ARHGAP11B: variants seen among roughly 807,000 people sequenced by gnomAD.
ARHGAP11B encodes the protein Rho GTPase activating protein 11B.
ARHGAP11B carries 14 observed loss-of-function variants against 27.6 expected under a neutral mutation model. That is an observed-to-expected ratio of 0.51 (90% CI 0.34 to 0.79). ARHGAP11B has a LOEUF of 0.79. Among genes scored for constraint, ARHGAP11B ranks in the 30% least tolerant of loss-of-function variants. The probability of loss-of-function intolerance (pLI) is 0.02; values close to 1 mark genes in which losing one functional copy is unlikely to be tolerated. For synonymous variants in ARHGAP11B, 82 were observed against 114.1 expected, an observed-to-expected ratio of 0.72 and a Z score of 1.80; for missense variants, 245 against 320.1, an observed-to-expected ratio of 0.77 and a Z score of 1.79.
intron 7 of ARHGAP11B, among the ~76,000 whole-genome samples, chr15:30,640,737 G>A (rs1263486277): frequency 6.6e-6 from 1 of 151,744 alleles, no homozygotes; most frequent in African/African-American, 2.4e-5. Context: ...GTTTTATTGA[G>A]AAGTTGAACA....
intron 6 of ARHGAP11B, among the ~76,000 whole-genome samples, chr15:30,636,371 C>T (rs2060279723): frequency 6.6e-6 from 1 of 151,840 alleles, no homozygotes; most frequent in Admixed American, 6.6e-5. Flanking sequence ...ACCAAAAGAC[C>T]ATCATAAGAT....
chr15:30,643,405 A>G (rs2060326745), intron 7 of ARHGAP11B, among the ~76,000 whole-genome samples: 1 of 151,212 alleles, frequency 6.6e-6, no homozygotes, highest in Admixed American at 6.6e-5. Context: ...CAGCCTCCTG[A>G]GTAGCTAGGA....
At chr15:30,626,794 T>A (rs374688463) in exon 1 of ARHGAP11B, 37 of 1,610,318 alleles carry the variant, frequency 2.3e-5, no homozygotes, top group Non-Finnish European at 2.9e-5. Flanking sequence ...ACCTGCATCC[T>A]GCCTCAGAGT....
chr15:30,641,111 A>G (rs2060312462), intron 7 of ARHGAP11B, among the ~76,000 whole-genome samples: 1 of 151,906 alleles, frequency 6.6e-6, no homozygotes, highest in Non-Finnish European at 1.5e-5. Context: ...TTGCCTAATC[A>G]ATGAATTTTT....
chr15:30,630,325 T>A (rs1201607676), intron 1 of ARHGAP11B, among the ~76,000 whole-genome samples: 1 of 152,100 alleles, frequency 6.6e-6, no homozygotes, highest in Non-Finnish European at 1.5e-5. Context: ...AGTAAGTATT[T>A]ATAAGATCAT....
rs1334456309 is a variant in ARHGAP11B at position 30,629,317 on chromosome 15, G to C, written c.130-1386G>C. Among the ~76,000 whole-genome samples the C allele has an allele frequency of 2.0e-5, 3 of 151,990 alleles. No individual in the cohort carries two copies. In the East Asian group the frequency reaches 5.8e-4, roughly 29 times the overall value. ...CCAGCATTTTGGGAGGCCGAGGAGG[G>C]TGGATCACGAGGTCAGGAGATCGAG... On this transcript the variant is annotated intron_variant, in intron 1 of 10. Coordinates refer to ENST00000428041, the Ensembl canonical transcript of ARHGAP11B.
chr15:30,633,749 A>G (rs948005789), intron 3 of ARHGAP11B, among the ~76,000 whole-genome samples, 163 bp downstream of exon 3: 1 of 151,162 alleles, frequency 6.6e-6, no homozygotes, highest in African/African-American at 2.4e-5. Context: ...ATGGTATATT[A>G]TTTCTATCGT....
intron 7 of ARHGAP11B, among the ~76,000 whole-genome samples, chr15:30,644,380 A>T (rs188846209): frequency 6.6e-6 from 1 of 152,100 alleles, no homozygotes; most frequent in Non-Finnish European, 1.5e-5. Flanking sequence ...AATTATCTAA[A>T]GAGTAAGCCA....
intron 9 of ARHGAP11B, among the ~76,000 whole-genome samples, chr15:30,646,671 A>AC (rs2060350553): frequency 6.9e-6 from 1 of 144,290 alleles, no homozygotes; most frequent in Admixed American, 7.0e-5. Flanking sequence ...AAAAAAAAAA[A>AC]AAAATATGTG....
chr15:30,631,004 G>A (rs960879274), intron 2 of ARHGAP11B, among the ~76,000 whole-genome samples: 9 of 151,784 alleles, frequency 5.9e-5, no homozygotes, highest in African/African-American at 2.2e-4. Flanking sequence ...CCCAGGAGGT[G>A]GAGGCTGCAG....
At position 30,639,971 on chromosome 15, in the gene ARHGAP11B, A is replaced by AGTGTGTGTGTGT. The variant is rs71103435; in HGVS notation, c.*78+1182_*78+1193dup. Among the ~76,000 whole-genome samples the AGTGTGTGTGTGT allele has an allele frequency of 6.0e-3, 858 of 143,260 alleles. 8 individuals carry two copies. Among genetic ancestry groups the AGTGTGTGTGTGT allele is most frequent in the African/African-American group, 9.3e-3 (362 of 38,820 alleles). 94.0% of individuals were successfully genotyped at this position (143,260 alleles called of 152,430 possible). On this transcript the variant is annotated intron_variant, in intron 7 of 10. Transcript: ENST00000428041. Reference sequence around the variant, plus strand: ...TAAAATAGACAGTGTTTCAATATAGAGTGTGTGTGTGTGTGTGTGTGTGTG... The same window carrying AGTGTGTGTGTGT: ...TAAAATAGACAGTGTTTCAATATAGAGTGTGTGTGTGTGTGTGTGTGTGTGTGTGTGTGTGTG...
At chr15:30,626,782 G>A in exon 1 of ARHGAP11B, 1 of 1,606,156 alleles carries the variant, frequency 6.2e-7, no homozygotes, top group South Asian at 1.1e-5. Context: ...ACGAGGGTCA[G>A]GACCTGCATC....
chr15:30,644,547 C>A, intron 7 of ARHGAP11B: 2 of 681,382 alleles, frequency 2.9e-6, no homozygotes, highest in South Asian at 2.2e-5. Context: ...TTTTTTTGTC[C>A]TCATTGATTT....
chr15:30,626,849 C>A, exon 1 of ARHGAP11B: 3 of 1,613,610 alleles, frequency 1.9e-6, no homozygotes, highest in Non-Finnish European at 2.5e-6. Context: ...GTGAAGTTGG[C>A]CCTGTTGCAG....
At chr15:30,637,431 T>C (rs2060286750) in intron 6 of ARHGAP11B, among the ~76,000 whole-genome samples, 1 of 152,110 alleles carries the variant, frequency 6.6e-6, no homozygotes, top group South Asian at 2.1e-4. Context: ...GTTTATTGCA[T>C]TGTTACTGTA....
intron 7 of ARHGAP11B, among the ~76,000 whole-genome samples, chr15:30,644,038 A>G (rs2060330580): frequency 6.6e-6 from 1 of 151,706 alleles, no homozygotes; most frequent in Non-Finnish European, 1.5e-5. Context: ...ATCCTTCAAG[A>G]CCTCAACCCA....
At chr15:30,644,749 G>A (rs2060336463) in intron 8 of ARHGAP11B, 1 of 1,300,678 alleles carries the variant, frequency 7.7e-7, no homozygotes, top group Non-Finnish European at 1.1e-6. Context: ...TCTGTATACA[G>A]ATACGAATAT....
At position 30,632,726 on chromosome 15, in the gene ARHGAP11B, TC is replaced by T. The variant is rs1217823695; in HGVS notation, c.201-760del. Among the ~76,000 whole-genome samples the T allele has an allele frequency of 2.0e-3, 298 of 151,582 alleles. 2 individuals carry two copies. Among genetic ancestry groups the T allele is most frequent in the African/African-American group, 6.9e-3 (284 of 41,340 alleles). Reference sequence around the variant, plus strand: ...TTCAAAATAAAGAAATTGAGCACATTCCCCTTAATATGAAAAGGCTTGTAAG... The same window carrying T: ...TTCAAAATAAAGAAATTGAGCACATTCCCTTAATATGAAAAGGCTTGTAAG... On this transcript the variant is annotated intron_variant, in intron 2 of 10. Coordinates refer to ENST00000428041, the Ensembl canonical transcript of ARHGAP11B.
chr15:30,648,589 C>T (rs1438688375), exon 11 of ARHGAP11B, among the ~76,000 whole-genome samples: 1 of 151,850 alleles, frequency 6.6e-6, no homozygotes, highest in Non-Finnish European at 1.5e-5. Context: ...GTAATTATTC[C>T]ACTGTGAATG....
Sources: allele counts gnomAD v4.1 joint callset (sites outside exome capture counted in the v4.1 genomes callset), GRCh38; gene constraint gnomAD v4.1.1; transcripts MANE v1.5; gene names NCBI Gene and HGNC (gene_info 2026-07-23, HGNC 2026-07-21).